CAPZB: variants seen among roughly 807,000 people sequenced by gnomAD.
CAPZB encodes capping actin protein of muscle Z-line subunit beta, also known as F-actin-capping protein subunit beta.
In CAPZB, 2 loss-of-function variants were observed where a neutral mutation model predicts 38.1. The observed-to-expected ratio is 0.05, with a 90% CI of 0.02 to 0.17. CAPZB has a LOEUF of 0.17. CAPZB is among the 10% of genes least tolerant of loss of function. The pLI, the probability that CAPZB is intolerant of heterozygous loss-of-function variation, is 1.00. For synonymous variants in CAPZB, 107 were observed against 127.4 expected (o/e 0.84, Z 1.08); for missense variants, 161 against 334.2 (o/e 0.48, Z 4.04).
intron 1 of CAPZB, among the ~76,000 whole-genome samples, chr1:19,468,201 C>G (rs1172283844): frequency 6.6e-6 from 1 of 152,192 alleles, no homozygotes; most frequent in African/African-American, 2.4e-5. Context: ...GTGCTGCTGG[C>G]AAGCTAAGAT....
chr1:19,391,664 G>T (rs75875462), intron 2 of CAPZB, among the ~76,000 whole-genome samples: 1 of 152,182 alleles, frequency 6.6e-6, no homozygotes, highest in Non-Finnish European at 1.5e-5. Flanking sequence ...CCTCGAAACC[G>T]AACAGGTTCA....
intron 2 of CAPZB, among the ~76,000 whole-genome samples, chr1:19,396,357 C>T (rs1278683876): frequency 6.6e-6 from 1 of 152,168 alleles, no homozygotes; most frequent in Non-Finnish European, 1.5e-5. Context: ...CTCTTCAGCA[C>T]CTCCCTTAAA....
Position 19,378,270 on chromosome 1 carries a change from C to G in CAPZB, c.329+270G>C, listed in dbSNP as rs547764113. ...TATTATGAATCACGATGCAGGGGAA[C>G]AGCACATAGTGAAGTCTGGTAGCAT... On this transcript the variant is annotated intron_variant, in intron 4 of 8. Transcript: ENST00000264202. 2.0e-5 allele frequency among the ~76,000 whole-genome samples: 3 copies of G among 152,324 alleles called. No individual in the cohort carries two copies. The South Asian group carries it at 6.2e-4, about 32-fold the overall frequency.
At chr1:19,344,831 C>T (rs570190661) in intron 7 of CAPZB, among the ~76,000 whole-genome samples, 3 of 152,360 alleles carry the variant, frequency 2.0e-5, no homozygotes, top group East Asian at 3.9e-4. Flanking sequence ...ACTGAAGCCA[C>T]ACCAGGGCCC....
At chr1:19,386,835 T>C (rs572997632) in intron 2 of CAPZB, among the ~76,000 whole-genome samples, 3 of 152,316 alleles carry the variant, frequency 2.0e-5, no homozygotes, top group Admixed American at 6.5e-5. Flanking sequence ...CTGTTTCTTA[T>C]ACAGGGGACA....
At chr1:19,372,931 A>C (rs2094126626) in intron 4 of CAPZB, among the ~76,000 whole-genome samples, 1 of 152,124 alleles carries the variant, frequency 6.6e-6, no homozygotes, top group Non-Finnish European at 1.5e-5. Flanking sequence ...ATGAAAATGA[A>C]GGTGACTTGC....
chr1:19,401,813 CAT>C lies in CAPZB; in HGVS notation c.94-16189_94-16188del, dbSNP rs532557764. Among the ~76,000 whole-genome samples, 92 of 152,260 alleles carry C rather than the reference CAT, an allele frequency of 6.0e-4. 2 individuals are homozygous for C. In the South Asian group the frequency reaches 0.019, roughly 31 times the overall value. ...CACATAGGCTGACGACCTATAATAA[CAT>C]AAGAAAGTGATGTTGGCCCCCTGCT... On this transcript the variant is annotated intron_variant, in intron 2 of 8. Coordinates refer to ENST00000264202, the MANE Select transcript of CAPZB (RefSeq NM_004930.5).
Position 19,381,261 on chromosome 1 carries a change from G to A in CAPZB, c.216-2608C>T, listed in dbSNP as rs562865986. On this transcript the variant is annotated intron_variant, in intron 3 of 8. Transcript: ENST00000264202. ...AAAAAGCATGAATTCTTGCACCCCCGCCCCCCCACCACAACAGAACCAACC... is the reference window on the plus strand; with the variant it reads ...AAAAAGCATGAATTCTTGCACCCCCACCCCCCCACCACAACAGAACCAACC... Among the ~76,000 whole-genome samples the A allele has an allele frequency of 8.6e-5, 11 of 127,448 alleles. No individual in the cohort carries two copies. In the East Asian group the frequency reaches 1.9e-3, roughly 22 times the overall value. The allele number at this position is 127,448 out of a possible 152,430, so 83.6% of individuals were successfully genotyped here. A position where few individuals can be genotyped will look rare whatever the true frequency, so the allele number is the denominator to read the frequency against.
chr1:19,371,242 G>C (rs1325657476), intron 4 of CAPZB, among the ~76,000 whole-genome samples: 2 of 152,124 alleles, frequency 1.3e-5, no homozygotes, highest in East Asian at 3.9e-4. Flanking sequence ...CTTCTCGCAT[G>C]ATCACGAAGC....
intron 2 of CAPZB, among the ~76,000 whole-genome samples, chr1:19,396,025 A>C (rs896542771): frequency 6.6e-6 from 1 of 152,126 alleles, no homozygotes; most frequent in African/African-American, 2.4e-5. Context: ...GTTCCACCTA[A>C]GTCATCCTTC....
intron 1 of CAPZB, among the ~76,000 whole-genome samples, chr1:19,438,539 G>A (rs901013792): frequency 2.0e-5 from 3 of 152,168 alleles, no homozygotes; most frequent in South Asian, 2.1e-4. Context: ...TCTTAGTGCC[G>A]AGGAGTGGAC....
intron 1 of CAPZB, among the ~76,000 whole-genome samples, chr1:19,476,948 C>T (rs181492982): frequency 3.3e-5 from 5 of 152,318 alleles, no homozygotes; most frequent in African/African-American, 9.6e-5. Flanking sequence ...GCGCTGAGTG[C>T]GGTGGACCTG....
chr1:19,406,528 GGT>G (rs565674214), intron 2 of CAPZB, among the ~76,000 whole-genome samples: 6 of 152,242 alleles, frequency 3.9e-5, no homozygotes, highest in Non-Finnish European at 7.4e-5. Flanking sequence ...GCCATCCTCT[GGT>G]GACCTGCAGT....
intron 2 of CAPZB, among the ~76,000 whole-genome samples, chr1:19,388,957 C>G (rs779556939): frequency 1.3e-5 from 2 of 152,210 alleles, no homozygotes; most frequent in Non-Finnish European, 2.9e-5. Context: ...CTTGATATGG[C>G]CAACGGACTC....
chr1:19,461,520 C>T (rs2094551880), intron 1 of CAPZB, among the ~76,000 whole-genome samples: 1 of 152,236 alleles, frequency 6.6e-6, no homozygotes, highest in African/African-American at 2.4e-5. Flanking sequence ...GCATGAGGGG[C>T]ATGAGCTGGC....
chr1:19,475,088 C>T (rs185324436), intron 1 of CAPZB, among the ~76,000 whole-genome samples: 1 of 152,306 alleles, frequency 6.6e-6, no homozygotes, highest in East Asian at 1.9e-4. Flanking sequence ...TCTAATAACA[C>T]ACTACGAGTC....
intron 1 of CAPZB, among the ~76,000 whole-genome samples, chr1:19,435,876 C>A (rs115103690): frequency 6.6e-6 from 1 of 152,100 alleles, no homozygotes; most frequent in Non-Finnish European, 1.5e-5. Context: ...AGAAGAGGAG[C>A]GGGTTATTTA....
chr1:19,434,428 AC>A lies in CAPZB; in HGVS notation c.4-14679del, dbSNP rs200756032. 1.3e-3 allele frequency among the ~76,000 whole-genome samples: 198 copies of A among 152,140 alleles called. 2 individuals are homozygous for A. The highest frequency in any genetic ancestry group is 4.5e-3 in the African/African-American group (188 of 41,492). ...AAATATTCAATTAAATAAAAAAAAAACAAAAACAGGCATTGGCTGGGCATGG... is the reference window on the plus strand; with the variant it reads ...AAATATTCAATTAAATAAAAAAAAAAAAAAACAGGCATTGGCTGGGCATGG... On this transcript the variant is annotated intron_variant, in intron 1 of 8. Transcript: ENST00000264202.
chr1:19,460,338 G>A (rs901857967), intron 1 of CAPZB, among the ~76,000 whole-genome samples: 12 of 152,090 alleles, frequency 7.9e-5, no homozygotes, highest in African/African-American at 2.7e-4. Context: ...GCACTGTGGC[G>A]CGATCTCAGC....
Sources: gnomAD v4.1 joint callset for allele counts (sites outside exome capture counted in the v4.1 genomes callset) on GRCh38, gnomAD v4.1.1 for gene constraint, MANE v1.5 for transcripts, NCBI Gene and HGNC (gene_info 2026-07-23, HGNC 2026-07-21) for gene names.